INSL6: variants seen among roughly 807,000 people sequenced by gnomAD.
The protein encoded by INSL6 is insulin-like peptide INSL6.
A neutral mutation model predicts 9.4 loss-of-function variants in INSL6; 16 were observed. That is an observed-to-expected ratio of 1.70 (90% confidence interval 1.15 to 2.59). The LOEUF is 2.59. Among genes scored for constraint, INSL6 ranks in the 30% most tolerant of loss-of-function variants. The probability of loss-of-function intolerance (pLI) is 0.00; values close to 1 mark genes in which losing one functional copy is unlikely to be tolerated. For synonymous variants in INSL6, 154 were observed against 96.9 expected (o/e 1.59, Z -3.46); for missense variants, 391 against 257.3 (o/e 1.52, Z -3.56).
intron 2 of INSL6, among the ~76,000 whole-genome samples, chr9:5,158,033 G>A (rs766149287): frequency 6.6e-6 from 1 of 152,122 alleles, no homozygotes; most frequent in Non-Finnish European, 1.5e-5. Context: ...AAATTCTGGA[G>A]TAGAAAAATG....
chr9:5,164,935 T>C (rs763161296), intron 1 of INSL6, among the ~76,000 whole-genome samples: 13 of 152,196 alleles, frequency 8.5e-5, no homozygotes, highest in African/African-American at 2.9e-4. Flanking sequence ...TGGCCCAGCA[T>C]AGTGGCTCAC....
At chr9:5,016,881 G>C in the INSL6 span, among the ~76,000 whole-genome samples, 1 of 152,168 alleles carries the variant, frequency 6.6e-6, no homozygotes, top group African/African-American at 2.4e-5. Context: ...AAATAATTTA[G>C]AGGGAATAAC....
chr9:5,173,965 T>G (rs942386615), intron 1 of INSL6, among the ~76,000 whole-genome samples: 1 of 152,130 alleles, frequency 6.6e-6, no homozygotes, highest in Non-Finnish European at 1.5e-5. Flanking sequence ...TTGCCAAATT[T>G]TTAAATTCAT....
the INSL6 span, among the ~76,000 whole-genome samples, chr9:5,040,022 C>T: frequency 1.3e-5 from 2 of 152,048 alleles, no homozygotes; most frequent in Non-Finnish European, 2.9e-5. Context: ...TGAAACAATA[C>T]AAAGTTTGAA....
chr9:4,997,835 A>G, the INSL6 span, among the ~76,000 whole-genome samples: 1 of 152,206 alleles, frequency 6.6e-6, no homozygotes, highest in Non-Finnish European at 1.5e-5. Flanking sequence ...CTTCCAAAAC[A>G]TAATGCTTCA....
intron 2 of INSL6, among the ~76,000 whole-genome samples, chr9:5,135,295 G>A (rs1824370049): frequency 6.6e-6 from 1 of 152,034 alleles, no homozygotes; most frequent in African/African-American, 2.4e-5. Context: ...AAATTAACAA[G>A]GATATCCAGG....
chr9:5,077,794 C>G, the INSL6 span, among the ~76,000 whole-genome samples: 2 of 152,160 alleles, frequency 1.3e-5, no homozygotes, highest in African/African-American at 4.8e-5. Context: ...CCATCAATAT[C>G]TTAGAACTAC....
intron 2 of INSL6, among the ~76,000 whole-genome samples, chr9:5,136,177 A>G (rs1226114823): frequency 6.6e-6 from 1 of 152,206 alleles, no homozygotes; most frequent in African/African-American, 2.4e-5. Flanking sequence ...TTCACAGCCA[A>G]ATTCTACCAG....
the INSL6 span, chr9:5,041,394 G>C: frequency 4.8e-6 from 3 of 627,436 alleles, no homozygotes; most frequent in Admixed American, 4.6e-5. Context: ...CAGAGCCACT[G>C]CAACAACCTG....
At chr9:5,113,892 GTCC>G in the INSL6 span, 1 of 223,620 alleles carries the variant, frequency 4.5e-6, no homozygotes, top group Non-Finnish European at 9.1e-6. Context: ...AGATCTTACA[GTCC>G]TCCTGTGATG....
At chr9:4,995,685 C>T in the INSL6 span, among the ~76,000 whole-genome samples, 4 of 152,128 alleles carry the variant, frequency 2.6e-5, no homozygotes, top group Non-Finnish European at 5.9e-5. Flanking sequence ...TATTTATTAG[C>T]ATATGGGAGG....
chr9:5,022,019 T>A, the INSL6 span: 2 of 1,614,076 alleles, frequency 1.2e-6, no homozygotes, highest in Non-Finnish European at 1.7e-6. Flanking sequence ...ATGACAGAAA[T>A]GGAGGGAACA....
chr9:5,111,795 C>T, the INSL6 span: 2 of 422,150 alleles, frequency 4.7e-6, no homozygotes, highest in Non-Finnish European at 4.7e-6. Context: ...TTCTCCTTGG[C>T]CCCCGGAGCC....
At chr9:5,023,641 C>G in the INSL6 span, among the ~76,000 whole-genome samples, 2 of 152,204 alleles carry the variant, frequency 1.3e-5, no homozygotes, top group African/African-American at 4.8e-5. Context: ...CTCCTAGCTT[C>G]TTGCCAATCC....
chr9:5,126,772 G>C, intron 3 of INSL6: 2 of 1,605,548 alleles, frequency 1.2e-6, no homozygotes, highest in Non-Finnish European at 1.7e-6. Flanking sequence ...GATCAAATAA[G>C]GGATAACATG....
At chr9:5,010,121 C>T in the INSL6 span, among the ~76,000 whole-genome samples, 1 of 152,116 alleles carries the variant, frequency 6.6e-6, no homozygotes, top group East Asian at 1.9e-4. Flanking sequence ...CATTCTAGTC[C>T]TATCTACTTT....
At chr9:5,090,419 A>T in the INSL6 span, 1 of 1,483,778 alleles carries the variant, frequency 6.7e-7, no homozygotes, top group African/African-American at 1.4e-5. Flanking sequence ...GCAGAGTAAA[A>T]CATTATTTCC....
At chr9:5,038,270 G>C in the INSL6 span, among the ~76,000 whole-genome samples, 1 of 152,106 alleles carries the variant, frequency 6.6e-6, no homozygotes, top group African/African-American at 2.4e-5. Flanking sequence ...GTTTGAATAG[G>C]TCTATGACAA....
the INSL6 span, chr9:5,041,029 G>C: frequency 1.5e-6 from 1 of 670,218 alleles, no homozygotes; most frequent in South Asian, 1.5e-5. Flanking sequence ...CCTGGGTACC[G>C]GTTCTACAAG....
Sources: allele counts gnomAD v4.1 joint callset (sites outside exome capture counted in the v4.1 genomes callset), GRCh38; gene constraint gnomAD v4.1.1; transcripts MANE v1.5; gene names NCBI Gene and HGNC (gene_info 2026-07-23, HGNC 2026-07-21).